Variants in SPTB observed in about 807,000 individuals in gnomAD.
SPTB encodes the protein spectrin beta chain, erythrocytic.
Under a neutral mutation model 256.2 loss-of-function variants are expected in SPTB, and 45 were observed. That is an observed-to-expected ratio of 0.18 (90% confidence interval 0.14 to 0.23). SPTB has a LOEUF of 0.23. Among genes scored for constraint, SPTB ranks in the 10% least tolerant of loss-of-function variants. The pLI, the probability that SPTB is intolerant of heterozygous loss-of-function variation, is 1.00. For missense variants in SPTB, 2,715 were observed against 3,040.4 expected (o/e 0.89, Z 2.52); for synonymous variants, 1,231 against 1,243.1 (o/e 0.99, Z 0.21).
In SPTB at chr14:64,807,109, C is replaced by G. The variant is rs374418798; in HGVS notation, c.149-2019G>C. Among the ~76,000 whole-genome samples the G allele has an allele frequency of 6.6e-6, 1 of 152,136 alleles. No individual in the cohort carries two copies. Among genetic ancestry groups the G allele is most frequent in the African/African-American group, 2.4e-5 (1 of 41,426 alleles). On this transcript the variant is annotated intron_variant, in intron 2 of 35. Transcript: ENST00000644917. The surrounding 1 kb of genome is among the most constrained non-coding windows in gnomAD (Gnocchi z 4.7). ...AGATTCAACAGAGCCAGCCACAGTC[C>G]CACAGTTTTTTCCCTAGAAACCAGA... is the stretch of plus-strand genomic sequence containing the variant.
intron 1 of SPTB, among the ~76,000 whole-genome samples, chr14:64,836,476 T>C (rs563780096): frequency 4.0e-4 from 61 of 152,276 alleles, no homozygotes; most frequent in Non-Finnish European, 5.9e-4. Flanking sequence ...ACTGAGTTTG[T>C]GGGTCTGCTC....
Position 64,795,770 on chromosome 14 carries a change from C to T in SPTB, c.1342-131G>A. 1 of 968,048 alleles carries T rather than the reference C, an allele frequency of 1.0e-6. No individual in the cohort carries two copies. The highest frequency in any genetic ancestry group is 1.6e-6 in the Non-Finnish European group (1 of 630,928). The allele number at this position is 968,048 out of a possible 1,614,324, so 60.0% of individuals were successfully genotyped here. A position where few individuals can be genotyped will look rare whatever the true frequency, so the allele number is the denominator to read the frequency against. On this transcript the variant is annotated intron_variant, in intron 11 of 35. Transcript: ENST00000644917. The surrounding 1 kb of genome is among the most constrained non-coding windows in gnomAD (Gnocchi z 6.5). ...GCACATTCCCAAGAAGCAGCTAGTTCTGCCTTACTTTTGCAGCCTGTCTTA... is the reference window on the plus strand; with the variant it reads ...GCACATTCCCAAGAAGCAGCTAGTTTTGCCTTACTTTTGCAGCCTGTCTTA...
At chr14:64,836,492 G>T (rs532746560) in intron 1 of SPTB, among the ~76,000 whole-genome samples, 1 of 151,806 alleles carries the variant, frequency 6.6e-6, no homozygotes, top group Non-Finnish European at 1.5e-5. Context: ...TGCTCAATAC[G>T]CTGTCAAGGC....
chr14:64,808,388 T>C (rs901240544), intron 2 of SPTB, among the ~76,000 whole-genome samples: 3 of 152,258 alleles, frequency 2.0e-5, no homozygotes. Flanking sequence ...GGTCTTTGCC[T>C]AGAAAACTCA....
At chr14:64,857,085 G>A (rs1213888853) in intron 1 of SPTB, among the ~76,000 whole-genome samples, 4 of 152,156 alleles carry the variant, frequency 2.6e-5, no homozygotes, top group African/African-American at 4.8e-5. Context: ...AGAATGCTGC[G>A]TATGAAACCC....
At chr14:64,799,443 C>T (rs1042073260) in intron 9 of SPTB, among the ~76,000 whole-genome samples, 1 of 152,224 alleles carries the variant, frequency 6.6e-6, no homozygotes, top group East Asian at 1.9e-4. Flanking sequence ...GCTTTCCAGC[C>T]TGGGTTCTTC....
At chr14:64,757,713 G>A (rs1269197763) in intron 32 of SPTB, among the ~76,000 whole-genome samples, 1 of 152,194 alleles carries the variant, frequency 6.6e-6, no homozygotes, top group Non-Finnish European at 1.5e-5. Context: ...AGGGGGAAGG[G>A]GCTTTGGGGA....
rs779026292 is a variant in SPTB, at chr14:64,753,562, C to T, written c.6577G>A (p.Gly2193Arg). 5.0e-6 allele frequency: 8 copies of T among 1,613,406 alleles called. No homozygotes were observed. In the African/African-American group the frequency reaches 5.3e-5, roughly 11 times the overall value. ...GYLGRKHDLE[G>R]PNKKASNRSW... ...CTGTTGGAAGCCTTCTTGTTGGGCC[C>T]CTCCAGGTCATGCTTGCGGCCCAGG... Residue 2193 changes from glycine (G) to arginine (R), a missense_variant, in exon 33 of 36, where the codon GGG becomes AGG. Coordinates refer to ENST00000644917, the MANE Select transcript of SPTB (RefSeq NM_001355436.2).
In SPTB at chr14:64,795,901, A is replaced by T. The variant is rs1487548914; in HGVS notation, c.1342-262T>A. Among the ~76,000 whole-genome samples, 1 of 152,076 alleles carries T rather than the reference A, an allele frequency of 6.6e-6. No homozygotes were observed. The highest frequency in any genetic ancestry group is 2.4e-5 in the African/African-American group (1 of 41,398). ...TGGGAGATGCAGCCTGCGTGTTACT[A>T]ATGGAGCCCCTTGGCAGCCTGCTGG... On this transcript the variant is annotated intron_variant, in intron 11 of 35. Coordinates refer to ENST00000644917, the MANE Select transcript of SPTB (RefSeq NM_001355436.2). This position sits in a 1 kb window ranked among gnomAD's most constrained non-coding sequence, Gnocchi z 6.5.
chr14:64,793,256 C>A lies in SPTB; in HGVS notation c.2407G>T (p.Glu803Ter), dbSNP rs566689631. 1.9e-6 allele frequency: 3 copies of A among 1,607,674 alleles called. No homozygotes were observed. In the South Asian group the frequency reaches 3.3e-5, roughly 18 times the overall value. Residue 803 changes from glutamate (E) to a stop codon, truncating the protein, a stop_gained, in exon 14 of 36, where the codon GAG becomes TAG. Transcript: ENST00000644917. LOFTEE classifies it high-confidence loss of function. The surrounding 1 kb of genome is among the most constrained non-coding windows in gnomAD (Gnocchi z 7.0). ...TCGGGGAATCCCTGGGCCTGCTGCT[C>A]CAGGTGCTCCATCACCCCACGGCTC... The part of the protein sequence containing the change: ...EESRGVMEHL[E>*]QQAQGFPEEF...
chr14:64,826,782 C>T lies in SPTB; in HGVS notation c.-51-3637G>A, dbSNP rs1033774060. On this transcript the variant is annotated intron_variant, in intron 1 of 35. Coordinates refer to ENST00000644917, the MANE Select transcript of SPTB (RefSeq NM_001355436.2). The surrounding 1 kb of genome is among the most constrained non-coding windows in gnomAD (Gnocchi z 4.4). ...TGCCCCATCCATCCATCCACCTGCC[C>T]GTCTAGCAGCTCTAAATGCACAGTC... Among the ~76,000 whole-genome samples the T allele has an allele frequency of 3.9e-5, 6 of 152,032 alleles. No individual in the cohort carries two copies. The highest frequency in any genetic ancestry group is 2.1e-4 in the South Asian group (1 of 4,820).
Position 64,791,987 on chromosome 14 carries a change from T to G in SPTB, c.2667-131A>C, listed in dbSNP as rs1326069618. The G allele has an allele frequency of 2.4e-6, 3 of 1,275,178 alleles. No homozygotes were observed. The African/African-American group carries it at 4.5e-5, about 19-fold the overall frequency. 79.0% of individuals were successfully genotyped at this position (1,275,178 alleles called of 1,614,324 possible). A position where few individuals can be genotyped will look rare whatever the true frequency, so the allele number is the denominator to read the frequency against. ...CCACTGCCTAAACCATTTGCCCAGG[T>G]GAGGCAGGAGGAAGAAAACAGATAT... On this transcript the variant is annotated intron_variant, in intron 14 of 35. Coordinates refer to ENST00000644917, the MANE Select transcript of SPTB (RefSeq NM_001355436.2).
rs981339476 is a variant in SPTB, at chr14:64,804,935, T to A, written c.300+4A>T. 1.2e-6 allele frequency: 2 copies of A among 1,614,048 alleles called. No individual in the cohort carries two copies. The highest frequency in any genetic ancestry group is 1.7e-6 in the Non-Finnish European group (2 of 1,180,014). ...AGCCCCGGGGCCCACAGAAGGGACT[T>A]TACCAGCATCTCTCCAGAGAGCACC... On this transcript the variant is annotated splice_donor_region_variant and intron_variant, in intron 3 of 35. Transcript: ENST00000644917.
At position 64,841,972 on chromosome 14, in the gene SPTB, C is replaced by T. The variant is rs2083614794; in HGVS notation, c.-51-18827G>A. ...CCCAGTTCTGAGCACAGTAACTGGG[C>T]TACTCAGAAGTTCCACTGAACGGCA... On this transcript the variant is annotated intron_variant, in intron 1 of 35. Coordinates refer to ENST00000644917, the MANE Select transcript of SPTB (RefSeq NM_001355436.2). This position sits in a 1 kb window ranked among gnomAD's most constrained non-coding sequence, Gnocchi z 4.6. Among the ~76,000 whole-genome samples the T allele has an allele frequency of 6.6e-6, 1 of 152,218 alleles. No homozygotes were observed. Among genetic ancestry groups the T allele is most frequent in the South Asian group, 2.1e-4 (1 of 4,830 alleles).
chr14:64,792,959 G>C lies in SPTB; in HGVS notation c.2666+38C>G. Reference sequence around the variant, plus strand: ...AGGTGGGAGATGGTGCCCAGGCCTGGGTACAGGGACGTGAGGAAAAGATGA... The same window carrying C: ...AGGTGGGAGATGGTGCCCAGGCCTGCGTACAGGGACGTGAGGAAAAGATGA... On this transcript the variant is annotated intron_variant, in intron 14 of 35. Transcript: ENST00000644917. The surrounding 1 kb of genome is among the most constrained non-coding windows in gnomAD (Gnocchi z 4.2). 4 of 1,613,442 alleles carry C rather than the reference G, an allele frequency of 2.5e-6. No individual in the cohort carries two copies. Among genetic ancestry groups the C allele is most frequent in the Non-Finnish European group, 2.5e-6 (3 of 1,179,978 alleles).
chr14:64,797,899 T>A, intron 9 of SPTB, 53 bp from the exon 10 acceptor site: 3 of 1,422,754 alleles, frequency 2.1e-6, no homozygotes, highest in Non-Finnish European at 3.0e-6. Flanking sequence ...ATGGCCAAAT[T>A]TTTTTGCTAA....
intron 1 of SPTB, among the ~76,000 whole-genome samples, chr14:64,830,101 C>T (rs2083430104): frequency 6.6e-6 from 1 of 152,132 alleles, no homozygotes; most frequent in Admixed American, 6.5e-5. Context: ...GTCTTTTTGA[C>T]ACTCTGCTTA....
At chr14:64,762,383 C>A (rs1025364560) in intron 32 of SPTB, among the ~76,000 whole-genome samples, 32 of 152,350 alleles carry the variant, frequency 2.1e-4, no homozygotes, top group Admixed American at 5.2e-4. Flanking sequence ...AGCCCCACCA[C>A]TGGCTGCTGA....
chr14:64,811,023 G>T (rs556369370), intron 2 of SPTB, among the ~76,000 whole-genome samples: 8 of 152,120 alleles, frequency 5.3e-5, no homozygotes, highest in Non-Finnish European at 1.0e-4. Flanking sequence ...GGCTGAGGTA[G>T]GAGGATCACT....
Sources: allele counts gnomAD v4.1 joint callset (sites outside exome capture counted in the v4.1 genomes callset), GRCh38; gene constraint gnomAD v4.1.1; non-coding constraint Gnocchi (gnomAD v3.1); transcripts MANE v1.5; gene names NCBI Gene and HGNC (gene_info 2026-07-23, HGNC 2026-07-21).